AADAT: variants seen among roughly 807,000 people sequenced by gnomAD.
The protein encoded by AADAT is kynurenine/alpha-aminoadipate aminotransferase, mitochondrial.
AADAT carries 25 observed loss-of-function variants against 56.2 expected under a neutral mutation model. That is an observed-to-expected ratio of 0.44 (90% CI 0.32 to 0.62). The LOEUF (loss-of-function observed/expected upper bound fraction) is 0.62. Ranked by LOEUF, AADAT falls within the 20% of genes least tolerant of loss-of-function variation. The probability of loss-of-function intolerance (pLI) is 0.04; values close to 1 mark genes in which losing one functional copy is unlikely to be tolerated. For missense variants in AADAT, 387 were observed against 510.5 expected (o/e 0.76, Z 2.33); for synonymous variants, 173 against 164.7 (o/e 1.05, Z -0.39).
At position 170,060,881 on chromosome 4, in the gene AADAT, C is replaced by T; in HGVS notation, c.*47G>A. The T allele has an allele frequency of 6.8e-7, 1 of 1,466,960 alleles. No individual in the cohort carries two copies. 90.9% of individuals were successfully genotyped at this position (1,466,960 alleles called of 1,614,324 possible). A position where few individuals can be genotyped will look rare whatever the true frequency, so the allele number is the denominator to read the frequency against. On this transcript the variant is annotated 3_prime_UTR_variant, in exon 13 of 13. Coordinates refer to ENST00000337664, the MANE Select transcript of AADAT (RefSeq NM_016228.4). ...CCTCCCTCCTCTGCCTCCCAAAGTG[C>T]TGGGATTATAGGTGTGAGCCACCAT...
chr4:170,073,396 G>A (rs954224832), intron 4 of AADAT, 51 bp from the exon 5 acceptor site: 5 of 1,456,670 alleles, frequency 3.4e-6, no homozygotes, highest in Admixed American at 2.5e-5. Context: ...AAATGTAAGT[G>A]CTATTGGTTT....
chr4:170,091,656 C>G (rs1025677171), upstream of AADAT: 1 of 152,864 alleles, frequency 6.5e-6, no homozygotes, highest in African/African-American at 2.4e-5. Flanking sequence ...CACCTGTGGC[C>G]CCAGTGCCGG....
chr4:170,061,492 A>G (rs1731186227), intron 12 of AADAT, among the ~76,000 whole-genome samples: 1 of 152,238 alleles, frequency 6.6e-6, no homozygotes, highest in African/African-American at 2.4e-5. Flanking sequence ...GGTTAAAGCT[A>G]GATTGTGATT....
intron 3 of AADAT, among the ~76,000 whole-genome samples, chr4:170,086,485 T>C (rs1732569476): frequency 6.6e-6 from 1 of 151,856 alleles, no homozygotes; most frequent in African/African-American, 2.4e-5. Context: ...GGGGACAAGA[T>C]ACAAGCAGTG....
At chr4:170,071,347 G>T (rs1031073233) in intron 5 of AADAT, among the ~76,000 whole-genome samples, 1 of 152,168 alleles carries the variant, frequency 6.6e-6, no homozygotes, top group Non-Finnish European at 1.5e-5. Context: ...TGACAGGAAG[G>T]AGTCAGTTGT....
At position 170,060,584 on chromosome 4, in the gene AADAT, T is replaced by C; in HGVS notation, c.*344A>G. On this transcript the variant is annotated 3_prime_UTR_variant, in exon 13 of 13. Transcript: ENST00000337664. ...ATACAGTTTGGCCATCTGATGAATT[T>C]AGAGGCACTTTAAAAGGTGTCTAGT... 5.5e-6 allele frequency: 1 copy of C among 180,444 alleles called. No individual in the cohort carries two copies. The highest frequency in any genetic ancestry group is 1.2e-5 in the Non-Finnish European group (1 of 86,844). 11.2% of individuals were successfully genotyped at this position (180,444 alleles called of 1,614,324 possible). A position where few individuals can be genotyped will look rare whatever the true frequency, so the allele number is the denominator to read the frequency against.
chr4:170,078,080 C>T (rs1203853277), intron 4 of AADAT, among the ~76,000 whole-genome samples: 1 of 152,130 alleles, frequency 6.6e-6, no homozygotes, highest in Non-Finnish European at 1.5e-5. Flanking sequence ...TTCCACGGAT[C>T]TAACCTTGGA....
chr4:170,062,046 A>G, intron 11 of AADAT, 53 bp from the exon 12 acceptor site: 3 of 1,267,170 alleles, frequency 2.4e-6, no homozygotes, highest in Non-Finnish European at 3.4e-6. Context: ...AAACTCAAAG[A>G]TAATATAGTT....
chr4:170,080,331 G>GA (rs1297890020), intron 3 of AADAT, among the ~76,000 whole-genome samples: 3 of 152,088 alleles, frequency 2.0e-5, no homozygotes, highest in Non-Finnish European at 2.9e-5. Flanking sequence ...CAAGCACGTG[G>GA]AAAAACTCCC....
Position 170,068,665 on chromosome 4 carries a change from C to T in AADAT, c.826G>A (p.Gly276Ser). ...ACTCTCTCTATTAAGGGTTTTGGAC[C>T]AGTTAAAAATCCTATTCTCAACCTA... ...SSGLRIGFLTGPKPLIERVIL... is the reference protein window; with the variant it reads ...SSGLRIGFLTSPKPLIERVIL... Residue 276 changes from glycine to serine, a missense_variant, in exon 8 of 13, where the codon GGT becomes AGT. Gly to Ser is a moderately conservative substitution (Grantham distance 56). Transcript: ENST00000337664. 1 of 1,602,192 alleles carries T rather than the reference C, an allele frequency of 6.2e-7. No individual in the cohort carries two copies. Among genetic ancestry groups the T allele is most frequent in the South Asian group, 1.1e-5 (1 of 88,078 alleles).
chr4:170,092,191 CGT>C (rs1332520939), upstream of AADAT, among the ~76,000 whole-genome samples: 1 of 152,220 alleles, frequency 6.6e-6, no homozygotes. Context: ...ACTTTTGCAG[CGT>C]GTGGTGGTTT....
intron 10 of AADAT, 23 bp from the exon 11 acceptor site, chr4:170,064,848 A>C (rs142662341): frequency 6.3e-7 from 1 of 1,594,308 alleles, no homozygotes; most frequent in Non-Finnish European, 8.5e-7. Context: ...GAAGAGAATA[A>C]ATGTCTTCCA....
chr4:170,064,907 G>A, intron 10 of AADAT, 82 bp from the exon 11 acceptor site: 1 of 1,173,066 alleles, frequency 8.5e-7, no homozygotes, highest in Non-Finnish European at 1.2e-6. Flanking sequence ...AATGGCATAA[G>A]TATAGTAAGT....
chr4:170,072,281 GTATA>G (rs1271166147), intron 5 of AADAT, among the ~76,000 whole-genome samples: 1 of 146,744 alleles, frequency 6.8e-6, no homozygotes, highest in Non-Finnish European at 1.5e-5. Context: ...GTGTGTGTGT[GTATA>G]TATATGTGTG....
chr4:170,090,208 C>T (rs1452545007), upstream of AADAT: 2 of 152,302 alleles, frequency 1.3e-5, no homozygotes, highest in Admixed American at 1.3e-4. Context: ...GGCCCAGAGG[C>T]TAGCCCAGGG....
rs539620458 is a variant in AADAT at position 170,065,950 on chromosome 4, G to T, written c.1027+464C>A. ...TAATTTGACCTTCATAATAAAAAAA[G>T]AATCTAAAACATTTTGCAATCAAGT... On this transcript the variant is annotated intron_variant, in intron 10 of 12. Coordinates refer to ENST00000337664, the MANE Select transcript of AADAT (RefSeq NM_016228.4). 7.0e-4 allele frequency among the ~76,000 whole-genome samples: 107 copies of T among 152,046 alleles called. 1 individual carries two copies. Among genetic ancestry groups the T allele is most frequent in the Non-Finnish European group, 1.4e-3 (94 of 68,010 alleles).
At chr4:170,087,296 T>A (rs772614139) in intron 2 of AADAT, 48 bp from the exon 3 acceptor site, 2 of 1,545,684 alleles carry the variant, frequency 1.3e-6, no homozygotes, top group Non-Finnish European at 1.8e-6. Context: ...AAAATCATAG[T>A]AACAGTAGTA....
chr4:170,084,978 C>T (rs1250617756), intron 3 of AADAT, among the ~76,000 whole-genome samples: 2 of 152,178 alleles, frequency 1.3e-5, no homozygotes, highest in African/African-American at 4.8e-5. Context: ...ACCAACCCCT[C>T]CTCTTCCTCC....
chr4:170,081,740 A>G (rs536931320), intron 3 of AADAT, among the ~76,000 whole-genome samples: 6 of 152,258 alleles, frequency 3.9e-5, no homozygotes, highest in African/African-American at 1.4e-4. Context: ...GGGCCTCGCT[A>G]TGTTAACCAG....
Sources: gnomAD v4.1 joint callset for allele counts (sites outside exome capture counted in the v4.1 genomes callset) on GRCh38, gnomAD v4.1.1 for gene constraint, MANE v1.5 for transcripts, NCBI Gene and HGNC (gene_info 2026-07-23, HGNC 2026-07-21) for gene names.